The following MEOX2 variants were observed in gnomAD, a reference collection of about 807,000 sequenced individuals.
MEOX2 encodes the protein homeobox protein MOX-2.
Under a neutral mutation model 27.0 loss-of-function variants are expected in MEOX2, and 11 were observed. The ratio of observed to expected loss-of-function variants is 0.41; its 90% CI spans 0.26 to 0.68. The LOEUF (loss-of-function observed/expected upper bound fraction) is 0.68, where lower values mean the gene tolerates loss of function less well. Ranked by LOEUF, MEOX2 falls within the 30% of genes least tolerant of loss-of-function variation. The pLI is 0.33. For synonymous variants in MEOX2, 189 were observed against 155.4 expected (o/e 1.22, Z -1.61); for missense variants, 436 against 385.4 (o/e 1.13, Z -1.10).
chr7:15,639,543 G>C (rs1210694761), intron 1 of MEOX2, among the ~76,000 whole-genome samples: 1 of 151,488 alleles, frequency 6.6e-6, no homozygotes, highest in Non-Finnish European at 1.5e-5. Flanking sequence ...TAATCTAAAG[G>C]CCAGTTTCTA....
intron 1 of MEOX2, among the ~76,000 whole-genome samples, chr7:15,683,420 A>T (rs1039337674): frequency 6.6e-6 from 1 of 152,088 alleles, no homozygotes; most frequent in African/African-American, 2.4e-5. Context: ...AGGAGTTCCG[A>T]AATCACTTCA....
chr7:15,663,849 G>A (rs1302215441), intron 1 of MEOX2, among the ~76,000 whole-genome samples: 1 of 152,120 alleles, frequency 6.6e-6, no homozygotes, highest in Non-Finnish European at 1.5e-5. Context: ...TAAGCTGCTG[G>A]AAGAGACAAA....
chr7:15,681,349 C>T (rs1003831967), intron 1 of MEOX2: 3 of 151,646 alleles, frequency 2.0e-5, no homozygotes, highest in Non-Finnish European at 4.4e-5. Flanking sequence ...ATTATAAAAA[C>T]ACTAAATGAA....
chr7:15,682,924 T>C (rs1056468960), intron 1 of MEOX2, among the ~76,000 whole-genome samples: 1 of 151,958 alleles, frequency 6.6e-6, no homozygotes, highest in Non-Finnish European at 1.5e-5. Flanking sequence ...ATATAAAATA[T>C]AATGGTGTGT....
intron 1 of MEOX2, among the ~76,000 whole-genome samples, chr7:15,636,414 A>G (rs1047121337): frequency 1.3e-5 from 2 of 152,088 alleles, no homozygotes; most frequent in African/African-American, 2.4e-5. Flanking sequence ...AAAACTTATT[A>G]TAAAATACCA....
At position 15,618,582 on chromosome 7, in the gene MEOX2, A is replaced by C. The variant is rs940183788; in HGVS notation, c.691-5971T>G. ...ACAGCTTCTAAGTATAACTTATCGA[A>C]TATAAATATTTAGCTGAAACAACGG... On this transcript the variant is annotated intron_variant, in intron 2 of 2. Transcript: ENST00000262041. Among the ~76,000 whole-genome samples the C allele has an allele frequency of 3.3e-5, 5 of 152,028 alleles. No homozygotes were observed. The East Asian group carries it at 9.6e-4, about 29-fold the overall frequency.
chr7:15,665,620 T>C (rs1199934601), intron 1 of MEOX2, among the ~76,000 whole-genome samples: 1 of 152,212 alleles, frequency 6.6e-6, no homozygotes, highest in Non-Finnish European at 1.5e-5. Flanking sequence ...GTAAATATCA[T>C]GCAGGTCAGA....
intron 1 of MEOX2, among the ~76,000 whole-genome samples, chr7:15,627,994 A>T (rs962056947): frequency 5.3e-5 from 8 of 152,132 alleles, no homozygotes; most frequent in African/African-American, 1.9e-4. Context: ...TATCTTTAAA[A>T]AGTGTGAATA....
intron 1 of MEOX2, among the ~76,000 whole-genome samples, chr7:15,633,155 A>T (rs1307075055): frequency 1.3e-5 from 2 of 151,860 alleles, no homozygotes; most frequent in East Asian, 3.9e-4. Context: ...GTTTGAGGCC[A>T]ATTCTTGTTC....
intron 1 of MEOX2, among the ~76,000 whole-genome samples, chr7:15,627,503 G>C (rs1200386525): frequency 6.6e-6 from 1 of 151,804 alleles, no homozygotes; most frequent in African/African-American, 2.4e-5. Context: ...AGTCCAACAT[G>C]GAATCTATAA....
chr7:15,681,063 A>G (rs1020523744), intron 1 of MEOX2: 2 of 151,792 alleles, frequency 1.3e-5, no homozygotes, highest in African/African-American at 4.8e-5. Context: ...GGTGAGATAA[A>G]TAATCCACAA....
intron 2 of MEOX2, among the ~76,000 whole-genome samples, chr7:15,626,478 G>C (rs547374307): frequency 1.3e-5 from 2 of 151,928 alleles, no homozygotes; most frequent in Non-Finnish European, 2.9e-5. Flanking sequence ...TTATGTAAAA[G>C]AAATAATATT....
chr7:15,666,178 A>G (rs1003558402), intron 1 of MEOX2, among the ~76,000 whole-genome samples: 2 of 152,198 alleles, frequency 1.3e-5, no homozygotes, highest in African/African-American at 4.8e-5. Context: ...ATTGTCATCT[A>G]AAGTCAGTCC....
intron 2 of MEOX2, among the ~76,000 whole-genome samples, chr7:15,615,789 T>G (rs1479042589): frequency 6.6e-6 from 1 of 152,044 alleles, no homozygotes; most frequent in Non-Finnish European, 1.5e-5. Flanking sequence ...GAAATACATA[T>G]GTCATGATCA....
chr7:15,666,970 G>A (rs1782017523), intron 1 of MEOX2, among the ~76,000 whole-genome samples: 1 of 150,116 alleles, frequency 6.7e-6, no homozygotes. Flanking sequence ...CCATCTACTA[G>A]ATATTCATGT....
intron 1 of MEOX2, among the ~76,000 whole-genome samples, chr7:15,632,344 T>A (rs1477924759): frequency 2.6e-5 from 4 of 151,868 alleles, no homozygotes; most frequent in Admixed American, 2.0e-4. Context: ...TACAGCCTGT[T>A]TAGTGAAGAC....
At chr7:15,622,288 T>G (rs1781233364) in intron 2 of MEOX2, among the ~76,000 whole-genome samples, 1 of 152,166 alleles carries the variant, frequency 6.6e-6, no homozygotes, top group Non-Finnish European at 1.5e-5. Flanking sequence ...TATATGTGTG[T>G]GTATGTGTTT....
intron 1 of MEOX2, among the ~76,000 whole-genome samples, chr7:15,673,882 T>C (rs1248734519): frequency 1.3e-5 from 2 of 152,088 alleles, no homozygotes; most frequent in Non-Finnish European, 2.9e-5. Flanking sequence ...TATCAGAACA[T>C]TGTCTTAAAC....
Position 15,686,334 on chromosome 7 carries a change from G to A in MEOX2, c.69C>T (p.Ser23=), listed in dbSNP as rs767503431. Residue 23 remains serine (S), a synonymous_variant, in exon 1 of 3, where the codon TCC becomes TCT. Transcript: ENST00000262041. ...TTCCATGGAGGGCGAGAGAGGATTG[G>A]GAGAACGGGTGCAAGCCTTGCGCCG... ...HATAQGLHPF[S]QSSLALHGRS... is the part of the protein sequence containing the mutation. 7 of 1,602,930 alleles carry A rather than the reference G, an allele frequency of 4.4e-6. No individual in the cohort carries two copies. In the Admixed American group the frequency reaches 8.5e-5, roughly 20 times the overall value.
Sources: allele counts gnomAD v4.1 joint callset (sites outside exome capture counted in the v4.1 genomes callset), GRCh38; gene constraint gnomAD v4.1.1; transcripts MANE v1.5; gene names NCBI Gene and HGNC (gene_info 2026-07-23, HGNC 2026-07-21).